The following ROBO1 variants were observed in gnomAD, a reference collection of about 807,000 sequenced individuals.
ROBO1 encodes roundabout guidance receptor 1.
In ROBO1, 149 loss-of-function variants were observed where a neutral mutation model predicts 195.9. The ratio of observed to expected loss-of-function variants is 0.76; its 90% CI spans 0.67 to 0.87. ROBO1 has a LOEUF of 0.87. Ranked by LOEUF, ROBO1 falls within the 40% of genes least tolerant of loss-of-function variation. The pLI, the probability that ROBO1 is intolerant of heterozygous loss-of-function variation, is 0.00. For synonymous variants in ROBO1, 816 were observed against 733.2 expected, an observed-to-expected ratio of 1.11 and a Z score of -1.82; for missense variants, 1,933 against 2,068.3, an observed-to-expected ratio of 0.93 and a Z score of 1.27.
In ROBO1 at chr3:78,597,592, A is replaced by G. The variant is rs914351104; in HGVS notation, c.*1321T>C. On this transcript the variant is annotated 3_prime_UTR_variant, in exon 31 of 31. Coordinates refer to ENST00000464233, the MANE Select transcript of ROBO1 (RefSeq NM_002941.4). ...TAAAATCAATGATATTCATAAAATG[A>G]CAAAAAAGGATCATAGAAATCTACT... The G allele has an allele frequency of 6.6e-6, 1 of 152,356 alleles. No individual in the cohort carries two copies. Among genetic ancestry groups the G allele is most frequent in the Non-Finnish European group, 1.5e-5 (1 of 67,996 alleles). 9.4% of individuals were successfully genotyped at this position (152,356 alleles called of 1,614,324 possible).
intron 26 of ROBO1, among the ~76,000 whole-genome samples, chr3:78,625,081 T>C (rs540036729): frequency 1.2e-4 from 18 of 152,150 alleles, no homozygotes; most frequent in Non-Finnish European, 2.4e-4. Flanking sequence ...CCAGACTTCT[T>C]GTGTGCAAAT....
intron 2 of ROBO1, among the ~76,000 whole-genome samples, chr3:79,205,637 C>T (rs1378980139): frequency 6.6e-6 from 1 of 152,242 alleles, no homozygotes; most frequent in Non-Finnish European, 1.5e-5. Context: ...GCACTACCTG[C>T]TCAGAAGTGG....
intron 4 of ROBO1, among the ~76,000 whole-genome samples, chr3:78,790,278 A>G (rs2108522530): frequency 6.6e-6 from 1 of 152,266 alleles, no homozygotes; most frequent in South Asian, 2.1e-4. Flanking sequence ...TTTCCTGTGC[A>G]GCTTAGAACT....
chr3:78,730,179 A>G (rs2082256379), intron 5 of ROBO1, among the ~76,000 whole-genome samples: 1 of 152,218 alleles, frequency 6.6e-6, no homozygotes, highest in African/African-American at 2.4e-5. Flanking sequence ...CCAGCTGAAA[A>G]TACTTTGCCA....
intron 2 of ROBO1, among the ~76,000 whole-genome samples, chr3:79,454,856 T>C (rs2039565199): frequency 6.6e-6 from 1 of 152,052 alleles, no homozygotes. Flanking sequence ...GGAAATGAGG[T>C]AAAACACAGA....
At chr3:79,234,006 C>A (rs1328875165) in intron 2 of ROBO1, among the ~76,000 whole-genome samples, 2 of 151,722 alleles carry the variant, frequency 1.3e-5, no homozygotes, top group Admixed American at 6.6e-5. Context: ...AGTATAAGTT[C>A]TTGTCTTTTG....
At chr3:79,024,321 G>C (rs1013382629) in intron 3 of ROBO1, among the ~76,000 whole-genome samples, 2 of 152,126 alleles carry the variant, frequency 1.3e-5, no homozygotes, top group African/African-American at 4.8e-5. Context: ...TGTGAAGAGG[G>C]GGTGAGCTTT....
At chr3:79,583,233 A>G (rs151007050) in intron 2 of ROBO1, among the ~76,000 whole-genome samples, 179 of 152,128 alleles carry the variant, frequency 1.2e-3, no homozygotes, top group Non-Finnish European at 2.1e-3. Flanking sequence ...TTTATTATGT[A>G]GTTATTAAGT....
At position 78,757,161 on chromosome 3, in the gene ROBO1, C is replaced by T. The variant is rs186672321; in HGVS notation, c.500-10261G>A. Among the ~76,000 whole-genome samples the T allele has an allele frequency of 9.6e-4, 146 of 152,160 alleles. 2 individuals are homozygous for T. Among genetic ancestry groups the T allele is most frequent in the Admixed American group, 3.1e-3 (47 of 15,282 alleles). ...CCTGCGTCAGCCTCCCAAAGTGGTGCGATTAAAGGTGTGAGCCACTGCGTG... is the reference window on the plus strand; with the variant it reads ...CCTGCGTCAGCCTCCCAAAGTGGTGTGATTAAAGGTGTGAGCCACTGCGTG... On this transcript the variant is annotated intron_variant, in intron 4 of 30. Coordinates refer to ENST00000464233, the MANE Select transcript of ROBO1 (RefSeq NM_002941.4).
chr3:79,651,116 C>T (rs1560070287), intron 1 of ROBO1, among the ~76,000 whole-genome samples: 1 of 151,862 alleles, frequency 6.6e-6, no homozygotes, highest in Non-Finnish European at 1.5e-5. Flanking sequence ...CATGCAAACA[C>T]ATTATATATG....
chr3:79,382,535 T>C (rs1478783217), intron 2 of ROBO1, among the ~76,000 whole-genome samples: 1 of 152,180 alleles, frequency 6.6e-6, no homozygotes, highest in African/African-American at 2.4e-5. Flanking sequence ...TTTCTGGTGA[T>C]ATAATCTGAT....
At chr3:79,160,030 C>T (rs1444050191) in intron 2 of ROBO1, among the ~76,000 whole-genome samples, 1 of 152,016 alleles carries the variant, frequency 6.6e-6, no homozygotes, top group East Asian at 1.9e-4. Context: ...AGATGTCCTT[C>T]CTGAGGACAT....
At chr3:79,069,248 T>G (rs534652643) in intron 3 of ROBO1, among the ~76,000 whole-genome samples, 1 of 152,052 alleles carries the variant, frequency 6.6e-6, no homozygotes, top group African/African-American at 2.4e-5. Context: ...TATCTTGAAC[T>G]CATCACTTTA....
intron 2 of ROBO1, among the ~76,000 whole-genome samples, chr3:79,550,187 G>GA (rs144328296): frequency 2.5e-5 from 2 of 79,496 alleles, no homozygotes; most frequent in African/African-American, 1.7e-4. Flanking sequence ...AAGAAAGAAA[G>GA]AAAGAAAGGA....
intron 1 of ROBO1, among the ~76,000 whole-genome samples, chr3:79,606,027 T>G (rs1944471673): frequency 7.1e-6 from 1 of 141,006 alleles, no homozygotes; most frequent in African/African-American, 3.0e-5. Context: ...TATATATACA[T>G]GTACCCACAT....
At chr3:78,769,349 A>G (rs753785561) in intron 4 of ROBO1, among the ~76,000 whole-genome samples, 12 of 152,224 alleles carry the variant, frequency 7.9e-5, no homozygotes, top group South Asian at 4.1e-4. Context: ...CTGTTGCTTT[A>G]AAGTTTGTTT....
At chr3:79,569,549 T>C (rs1156823301) in intron 2 of ROBO1, among the ~76,000 whole-genome samples, 1 of 152,010 alleles carries the variant, frequency 6.6e-6, no homozygotes, top group Non-Finnish European at 1.5e-5. Flanking sequence ...CATTAATAGG[T>C]CAACTCAAGT....
chr3:79,160,915 G>T (rs1238563747), intron 2 of ROBO1, among the ~76,000 whole-genome samples: 1 of 151,936 alleles, frequency 6.6e-6, no homozygotes, highest in African/African-American at 2.4e-5. Flanking sequence ...TTTTTACTAT[G>T]CACGTAAAGA....
chr3:78,637,097 T>G, intron 22 of ROBO1, among the ~76,000 whole-genome samples: 1 of 126,508 alleles, frequency 7.9e-6, no homozygotes, highest in East Asian at 2.0e-4. Flanking sequence ...TTATGCATGT[T>G]GTCCAAAAGT....
Sources: allele counts gnomAD v4.1 joint callset (sites outside exome capture counted in the v4.1 genomes callset), GRCh38; gene constraint gnomAD v4.1.1; transcripts MANE v1.5; gene names NCBI Gene and HGNC (gene_info 2026-07-23, HGNC 2026-07-21).